The following AGBL4 variants were observed in gnomAD, a reference collection of about 807,000 sequenced individuals.
The protein encoded by AGBL4 is AGBL carboxypeptidase 4.
A neutral mutation model predicts 66.4 loss-of-function variants in AGBL4; 58 were observed. The observed-to-expected ratio is 0.87, with a 90% CI of 0.71 to 1.09. AGBL4 has a LOEUF of 1.09. Ranked by LOEUF, AGBL4 falls within the 50% of genes least tolerant of loss-of-function variation. AGBL4 has a pLI of 0.00. For synonymous variants in AGBL4, 234 were observed against 222.9 expected (o/e 1.05, Z -0.44); for missense variants, 579 against 631.0 (o/e 0.92, Z 0.88).
chr1:49,166,520 A>G (rs1237228625), intron 4 of AGBL4, among the ~76,000 whole-genome samples: 2 of 152,120 alleles, frequency 1.3e-5, no homozygotes, highest in Non-Finnish European at 2.9e-5. Context: ...GTTATTAGGT[A>G]TTTATATAAT....
At chr1:49,785,252 A>G (rs996694083) in intron 2 of AGBL4, among the ~76,000 whole-genome samples, 6 of 152,182 alleles carry the variant, frequency 3.9e-5, no homozygotes, top group Admixed American at 2.6e-4. Context: ...ATAAGTTTCA[A>G]TATCTATCCC....
intron 5 of AGBL4, among the ~76,000 whole-genome samples, chr1:49,041,718 CG>C (rs1481647802): frequency 6.6e-6 from 1 of 152,074 alleles, no homozygotes; most frequent in Non-Finnish European, 1.5e-5. Flanking sequence ...GTAAGAAACC[CG>C]GTATGTGTGT....
chr1:49,714,543 T>G (rs1647930039), intron 2 of AGBL4, among the ~76,000 whole-genome samples: 1 of 149,954 alleles, frequency 6.7e-6, no homozygotes, highest in South Asian at 2.1e-4. Flanking sequence ...ATGACTTTAC[T>G]GTTTGTTATA....
chr1:49,903,278 G>C (rs904098346), intron 1 of AGBL4, among the ~76,000 whole-genome samples: 11 of 152,002 alleles, frequency 7.2e-5, no homozygotes, highest in Non-Finnish European at 1.6e-4. Flanking sequence ...GCATGTTCTC[G>C]CTTATAAGTG....
At chr1:49,123,282 C>T (rs895266914) in intron 4 of AGBL4, among the ~76,000 whole-genome samples, 4 of 152,100 alleles carry the variant, frequency 2.6e-5, no homozygotes, top group African/African-American at 4.8e-5. Flanking sequence ...TAGAAACTTT[C>T]TCATGGAAAA....
chr1:48,665,157 T>C (rs1006685660), intron 6 of AGBL4, among the ~76,000 whole-genome samples: 1 of 152,204 alleles, frequency 6.6e-6, no homozygotes, highest in African/African-American at 2.4e-5. Context: ...GCAAGAAATA[T>C]CATGGAACCA....
chr1:49,881,806 G>T (rs1322269689), intron 1 of AGBL4, among the ~76,000 whole-genome samples: 67 of 151,568 alleles, frequency 4.4e-4, no homozygotes, highest in Non-Finnish European at 8.0e-4. Context: ...CAGATGAGTA[G>T]GTTGCGAAAA....
chr1:49,793,674 A>T (rs1571579754), intron 2 of AGBL4, among the ~76,000 whole-genome samples: 1 of 151,922 alleles, frequency 6.6e-6, no homozygotes, highest in East Asian at 1.9e-4. Flanking sequence ...GTCTATGATA[A>T]CACAAGTGAA....
At chr1:49,284,684 T>C (rs376352064) in intron 3 of AGBL4, among the ~76,000 whole-genome samples, 44 of 152,172 alleles carry the variant, frequency 2.9e-4, no homozygotes, top group African/African-American at 9.4e-4. Flanking sequence ...GAAGATCTAC[T>C]AAGCAAATGG....
chr1:49,551,834 C>T (rs1652982430), intron 3 of AGBL4, among the ~76,000 whole-genome samples: 1 of 152,192 alleles, frequency 6.6e-6, no homozygotes, highest in African/African-American at 2.4e-5. Flanking sequence ...GAGGAAACAG[C>T]AGTGGGCAGG....
intron 1 of AGBL4, among the ~76,000 whole-genome samples, chr1:49,966,685 A>G (rs927689937): frequency 1.3e-5 from 2 of 152,152 alleles, no homozygotes; most frequent in Non-Finnish European, 2.9e-5. Flanking sequence ...CAGTGTATCT[A>G]TATCATTAAG....
intron 5 of AGBL4, among the ~76,000 whole-genome samples, chr1:48,891,514 A>G (rs1272649855): frequency 6.6e-6 from 1 of 152,310 alleles, no homozygotes; most frequent in East Asian, 1.9e-4. Flanking sequence ...GAGGGCACAT[A>G]AAGAGACCAC....
At chr1:48,612,479 T>C (rs1406239173) in intron 9 of AGBL4, among the ~76,000 whole-genome samples, 1 of 152,186 alleles carries the variant, frequency 6.6e-6, no homozygotes, top group African/African-American at 2.4e-5. Flanking sequence ...ATTGCAGTTA[T>C]AGAGATGAAG....
intron 8 of AGBL4, among the ~76,000 whole-genome samples, chr1:48,650,221 C>T (rs1056130916): frequency 1.3e-5 from 2 of 152,238 alleles, no homozygotes; most frequent in African/African-American, 4.8e-5. Flanking sequence ...GGCACACCTG[C>T]ATCCCTGCCC....
At chr1:49,490,686 A>C (rs1019289550) in intron 3 of AGBL4, among the ~76,000 whole-genome samples, 3 of 151,778 alleles carry the variant, frequency 2.0e-5, no homozygotes, top group African/African-American at 7.2e-5. Flanking sequence ...CCCAAGGAAT[A>C]ATTCTGATTT....
chr1:48,593,928 T>A (rs949480476), intron 9 of AGBL4, among the ~76,000 whole-genome samples: 3 of 152,194 alleles, frequency 2.0e-5, no homozygotes, highest in Admixed American at 6.5e-5. Context: ...ATTTGCCAAT[T>A]TGATGGGTGA....
At chr1:48,872,626 C>T (rs2148830681) in intron 5 of AGBL4, among the ~76,000 whole-genome samples, 1 of 152,154 alleles carries the variant, frequency 6.6e-6, no homozygotes, top group Non-Finnish European at 1.5e-5. Flanking sequence ...TCTGAAGCCC[C>T]TATGATTGCA....
intron 5 of AGBL4, among the ~76,000 whole-genome samples, chr1:49,004,309 T>A (rs188341684): frequency 1.9e-3 from 283 of 148,800 alleles, no homozygotes; most frequent in Middle Eastern, 3.4e-3. Flanking sequence ...AGGAAACAGA[T>A]CATCAAGAGA....
chr1:49,048,518 G>A (rs887366576), intron 4 of AGBL4: 3 of 152,106 alleles, frequency 2.0e-5, no homozygotes, highest in African/African-American at 7.2e-5. Flanking sequence ...AGATTTTCTA[G>A]ACTTTCCCAA....
Sources: allele counts gnomAD v4.1 joint callset (sites outside exome capture counted in the v4.1 genomes callset), GRCh38; gene constraint gnomAD v4.1.1; transcripts MANE v1.5; gene names NCBI Gene and HGNC (gene_info 2026-07-23, HGNC 2026-07-21).